DOK6: variants seen among roughly 807,000 people sequenced by gnomAD.
DOK6 encodes the protein docking protein 6.
In DOK6, 22 loss-of-function variants were observed where a neutral mutation model predicts 44.0. The observed-to-expected ratio is 0.50, with a 90% CI of 0.36 to 0.71. The LOEUF is 0.71. Ranked by LOEUF, DOK6 falls within the 30% of genes least tolerant of loss-of-function variation. The pLI is 0.00. For missense variants in DOK6, 340 were observed against 416.4 expected, an observed-to-expected ratio of 0.82 and a Z score of 1.60; for synonymous variants, 166 against 145.5, an observed-to-expected ratio of 1.14 and a Z score of -1.01.
chr18:69,420,681 C>A (rs1978465846), intron 1 of DOK6, among the ~76,000 whole-genome samples: 1 of 151,994 alleles, frequency 6.6e-6, no homozygotes, highest in Admixed American at 6.6e-5. Context: ...TAAGATAACA[C>A]AAGCAGGCTC....
Position 69,759,981 on chromosome 18 carries a change from A to G in DOK6, c.856+2108A>G, listed in dbSNP as rs374917883. 7.9e-5 allele frequency among the ~76,000 whole-genome samples: 12 copies of G among 152,332 alleles called. No individual in the cohort carries two copies. The East Asian group carries it at 1.5e-3, about 20-fold the overall frequency. ...TTTTGTACTGTGTGCTTCTTAGAGC[A>G]ATACGTTTTACCACCCTGTATACCC... On this transcript the variant is annotated intron_variant, in intron 7 of 7. Transcript: ENST00000382713.
At chr18:69,473,621 T>C (rs1272820695) in intron 1 of DOK6, among the ~76,000 whole-genome samples, 3 of 152,194 alleles carry the variant, frequency 2.0e-5, no homozygotes, top group Non-Finnish European at 4.4e-5. Context: ...ACCCTCACCA[T>C]AGTGGCTCGC....
At chr18:69,794,395 T>C (rs1482957236) in intron 7 of DOK6, among the ~76,000 whole-genome samples, 1 of 152,184 alleles carries the variant, frequency 6.6e-6, no homozygotes, top group Non-Finnish European at 1.5e-5. Flanking sequence ...TATTTTCAAT[T>C]CCACCAAAAT....
intron 2 of DOK6, among the ~76,000 whole-genome samples, chr18:69,576,157 C>T (rs370503663): frequency 1.7e-4 from 26 of 152,148 alleles, no homozygotes; most frequent in African/African-American, 6.0e-4. Context: ...ATGAGAAAGG[C>T]GAGATGTGGA....
intron 7 of DOK6, among the ~76,000 whole-genome samples, chr18:69,795,309 G>A (rs1251158814): frequency 1.3e-5 from 2 of 152,092 alleles, no homozygotes; most frequent in African/African-American, 4.8e-5. Context: ...GGCAAAGGCT[G>A]TTTAAGCTTT....
At position 69,743,493 on chromosome 18, in the gene DOK6, G is replaced by A. The variant is rs573105291; in HGVS notation, c.738+4390G>A. Reference sequence around the variant, plus strand: ...TACAGGCTGAAATCATCATGGACACGGCCTCAACTGGATTGAAATAATTTA... The same window carrying A: ...TACAGGCTGAAATCATCATGGACACAGCCTCAACTGGATTGAAATAATTTA... On this transcript the variant is annotated intron_variant, in intron 6 of 7. Transcript: ENST00000382713. Among the ~76,000 whole-genome samples the A allele has an allele frequency of 7.2e-5, 11 of 152,234 alleles. No homozygotes were observed. The South Asian group carries it at 1.9e-3, about 26-fold the overall frequency.
At chr18:69,678,452 TG>T (rs1413946668) in intron 4 of DOK6, among the ~76,000 whole-genome samples, 3 of 152,178 alleles carry the variant, frequency 2.0e-5, no homozygotes, top group Non-Finnish European at 2.9e-5. Context: ...AGTTTCTTCT[TG>T]GAGACTTATT....
chr18:69,681,354 A>G lies in DOK6; in HGVS notation c.409+3501A>G, dbSNP rs142425813. 6.3e-3 allele frequency among the ~76,000 whole-genome samples: 959 copies of G among 152,318 alleles called. 14 individuals are homozygous for G. Among genetic ancestry groups the G allele is most frequent in the African/African-American group, 0.022 (919 of 41,564 alleles). ...CTCTTCAGACAGCCTGAGACTAGCT[A>G]AGAAGAGACATTTATACAAATAATT... On this transcript the variant is annotated intron_variant, in intron 4 of 7. Coordinates refer to ENST00000382713, the MANE Select transcript of DOK6 (RefSeq NM_152721.6).
At chr18:69,424,494 A>G (rs2122413033) in intron 1 of DOK6, among the ~76,000 whole-genome samples, 1 of 152,272 alleles carries the variant, frequency 6.6e-6, no homozygotes, top group Non-Finnish European at 1.5e-5. Flanking sequence ...TCTATATTTT[A>G]AATATTAGTT....
chr18:69,426,007 A>G (rs1040474618), intron 1 of DOK6, among the ~76,000 whole-genome samples: 1 of 152,166 alleles, frequency 6.6e-6, no homozygotes, highest in South Asian at 2.1e-4. Context: ...TTTAATTTTT[A>G]CATGTAAGGG....
At chr18:69,804,826 T>C (rs1981007765) in intron 7 of DOK6, among the ~76,000 whole-genome samples, 2 of 152,182 alleles carry the variant, frequency 1.3e-5, no homozygotes, top group Admixed American at 1.3e-4. Flanking sequence ...TTCTGCAGCC[T>C]CAGTTATGGA....
At chr18:69,414,742 G>T (rs1978321333) in intron 1 of DOK6, among the ~76,000 whole-genome samples, 1 of 152,152 alleles carries the variant, frequency 6.6e-6, no homozygotes, top group East Asian at 1.9e-4. Context: ...ATTGGATAAA[G>T]AGCATGCAGG....
chr18:69,627,604 A>G (rs1477113634), intron 3 of DOK6, among the ~76,000 whole-genome samples: 13 of 151,978 alleles, frequency 8.6e-5, no homozygotes, highest in Admixed American at 8.5e-4. Context: ...GCCCGCCACC[A>G]CACCCAGCTA....
intron 3 of DOK6, among the ~76,000 whole-genome samples, chr18:69,600,412 G>A (rs577627320): frequency 5.2e-4 from 79 of 152,006 alleles, no homozygotes; most frequent in South Asian, 1.0e-3. Flanking sequence ...CTTTTCTTGC[G>A]TGCCTTTATC....
At chr18:69,765,346 TA>T (rs1979685134) in intron 7 of DOK6, among the ~76,000 whole-genome samples, 1 of 152,210 alleles carries the variant, frequency 6.6e-6, no homozygotes, top group African/African-American at 2.4e-5. Context: ...TTCTGTCTAT[TA>T]AACCTTATTT....
At chr18:69,417,823 T>C (rs1050964034) in intron 1 of DOK6, among the ~76,000 whole-genome samples, 14 of 152,144 alleles carry the variant, frequency 9.2e-5, no homozygotes, top group African/African-American at 2.9e-4. Context: ...ATGTTGAACA[T>C]TTTTTTCATA....
Position 69,827,288 on chromosome 18 carries a change from T to C in DOK6, c.857-13956T>C, listed in dbSNP as rs948095203. ...CAATCTCATCTGCTACTACTTGCCA[T>C]TTGGATTTGGGTATAATTCATAATG... is the stretch of plus-strand genomic sequence containing the variant. On this transcript the variant is annotated intron_variant, in intron 7 of 7. Coordinates refer to ENST00000382713, the MANE Select transcript of DOK6 (RefSeq NM_152721.6). Among the ~76,000 whole-genome samples the C allele has an allele frequency of 4.6e-5, 7 of 152,226 alleles. 1 individual carries two copies. Among genetic ancestry groups the C allele is most frequent in the Non-Finnish European group, 7.4e-5 (5 of 67,958 alleles).
intron 7 of DOK6, among the ~76,000 whole-genome samples, chr18:69,826,103 C>T (rs1981732886): frequency 6.6e-6 from 1 of 152,136 alleles, no homozygotes. Flanking sequence ...GAGCACCTCT[C>T]CTGTAGGCCT....
intron 7 of DOK6, among the ~76,000 whole-genome samples, chr18:69,803,617 A>G (rs1291380220): frequency 6.6e-6 from 1 of 152,170 alleles, no homozygotes; most frequent in Non-Finnish European, 1.5e-5. Flanking sequence ...TAATCCCAGC[A>G]CTTTGGGAGG....
Sources: allele counts gnomAD v4.1 joint callset (sites outside exome capture counted in the v4.1 genomes callset), GRCh38; gene constraint gnomAD v4.1.1; transcripts MANE v1.5; gene names NCBI Gene and HGNC (gene_info 2026-07-23, HGNC 2026-07-21).